The following PMM1 variants were observed in gnomAD, a reference collection of about 807,000 sequenced individuals.
PMM1 encodes the protein phosphomannomutase 1.
Under a neutral mutation model 34.0 loss-of-function variants are expected in PMM1, and 25 were observed. The observed-to-expected ratio is 0.73, with a 90% CI of 0.54 to 1.03. The LOEUF is 1.03. PMM1 is among the 50% of genes least tolerant of loss of function. The pLI is 0.00. For missense variants in PMM1, 321 were observed against 350.1 expected, an observed-to-expected ratio of 0.92 and a Z score of 0.66; for synonymous variants, 134 against 143.9, an observed-to-expected ratio of 0.93 and a Z score of 0.49.
At chr22:41,587,767 C>T (rs1053755218) in intron 1 of PMM1, among the ~76,000 whole-genome samples, 9 of 152,180 alleles carry the variant, frequency 5.9e-5, no homozygotes, top group Admixed American at 1.3e-4. Context: ...GAAGCCACAC[C>T]ACAGTAACCA....
intron 1 of PMM1, 116 bp downstream of exon 1, chr22:41,589,603 G>T: frequency 2.3e-6 from 2 of 878,986 alleles, no homozygotes; most frequent in Non-Finnish European, 3.5e-6. Flanking sequence ...GGGTACCGCC[G>T]CATCCCACAC....
chr22:41,583,497 G>C (rs76010556), intron 5 of PMM1, among the ~76,000 whole-genome samples: 2,355 of 152,126 alleles, frequency 0.015, 64 homozygotes, highest in African/African-American at 0.053. Context: ...AAAAGAAAAA[G>C]AAAGAAAGGT....
In PMM1 at chr22:41,578,858, G is replaced by A. The variant is rs999980; in HGVS notation, c.498C>T (p.Phe166=). ...CAAACTCTGTTTTCAGGGCTTCCACGAACTTCTCCCGGATCTTCTCTTTCT... is the reference window on the plus strand; with the variant it reads ...CAAACTCTGTTTTCAGGGCTTCCACAAACTTCTCCCGGATCTTCTCTTTCT... ...LDKKEKIREK[F]VEALKTEFAG... The change falls in exon 6 of 8, where the codon TTC becomes TTT. Residue 166 remains phenylalanine, a synonymous_variant. Transcript: ENST00000216259. 8.1e-6 allele frequency: 13 copies of A among 1,613,970 alleles called. No homozygotes were observed. The South Asian group carries it at 9.9e-5, about 12-fold the overall frequency.
chr22:41,581,949 C>T (rs2067251448), intron 5 of PMM1, among the ~76,000 whole-genome samples: 1 of 151,908 alleles, frequency 6.6e-6, no homozygotes, highest in Non-Finnish European at 1.5e-5. Flanking sequence ...TGTGCCACTG[C>T]ACTCCAGCCT....
At chr22:41,586,931 A>G (rs1375584142) in intron 1 of PMM1, among the ~76,000 whole-genome samples, 1 of 145,400 alleles carries the variant, frequency 6.9e-6, no homozygotes, top group Non-Finnish European at 1.5e-5. Context: ...CAGCCTGGCC[A>G]ACATGGTGAA....
chr22:41,578,938 G>A, intron 5 of PMM1, 57 bp from the exon 6 acceptor site: 1 of 1,483,414 alleles, frequency 6.7e-7, no homozygotes, highest in South Asian at 1.1e-5. Context: ...GCCAGGCCCT[G>A]GCTGGGCACA....
At chr22:41,578,704 T>TA (rs1159785234) in intron 6 of PMM1, 102 bp downstream of exon 6, 9 of 910,708 alleles carry the variant, frequency 9.9e-6, no homozygotes, top group Admixed American at 2.0e-5. Context: ...GGGGAGGGGC[T>TA]ACTAAAGCTA....
Position 41,577,871 on chromosome 22 carries a change from G to A in PMM1, c.603C>T (p.Cys201=), listed in dbSNP as rs1366299021. 6.2e-7 allele frequency: 1 copy of A among 1,613,420 alleles called. No homozygotes were observed. Among genetic ancestry groups the A allele is most frequent in the Non-Finnish European group, 8.5e-7 (1 of 1,179,990 alleles). The change falls in exon 7 of 8, where the codon TGC becomes TGT. Residue 201 remains cysteine, a synonymous_variant. Transcript: ENST00000216259. Reference sequence around the variant, plus strand: ...AGCTGTCCTGGTCCAGGCTATCCAGGCAGTAGCGCTTGTCCCAGCCCTCGG... The same window carrying A: ...AGCTGTCCTGGTCCAGGCTATCCAGACAGTAGCGCTTGTCCCAGCCCTCGG... ...VFPEGWDKRY[C]LDSLDQDSFD...
intron 7 of PMM1, 88 bp from the exon 8 acceptor site, chr22:41,577,528 C>T: frequency 7.0e-7 from 1 of 1,426,992 alleles, no homozygotes; most frequent in Non-Finnish European, 9.6e-7. Flanking sequence ...CCTCCTGCCC[C>T]TTCAGAACTG....
chr22:41,577,749 C>A, intron 7 of PMM1, 59 bp downstream of exon 7: 1 of 1,308,222 alleles, frequency 7.6e-7, no homozygotes, highest in South Asian at 1.2e-5. Context: ...GAGAAGCCAC[C>A]AGACCTGGCT....
chr22:41,584,227 C>T, intron 4 of PMM1, 54 bp downstream of exon 4: 2 of 1,521,482 alleles, frequency 1.3e-6, no homozygotes, highest in African/African-American at 1.4e-5. Flanking sequence ...GAGGGACCCA[C>T]ACTTCTCCTC....
chr22:41,586,001 G>A (rs1210886181), intron 2 of PMM1, 75 bp downstream of exon 2: 1 of 1,091,978 alleles, frequency 9.2e-7, no homozygotes, highest in Non-Finnish European at 1.3e-6. Context: ...CCCCACAGAA[G>A]CAGGACTGGA....
rs114827707 is a variant in PMM1, at chr22:41,588,897, C to T, written c.87+822G>A. ...CCCAGACTGGAGGGTGGGTTACCCA[C>T]AGGGAGGGCATGAATGAAGCCTGCT... On this transcript the variant is annotated intron_variant, in intron 1 of 7. Transcript: ENST00000216259. 3.0e-4 allele frequency: 295 copies of T among 969,390 alleles called. 2 individuals are homozygous for T. The African/African-American group carries it at 4.9e-3, about 16-fold the overall frequency. The allele number at this position is 969,390 out of a possible 1,614,324, so 60.0% of individuals were successfully genotyped here. A position where few individuals can be genotyped will look rare whatever the true frequency, so the allele number is the denominator to read the frequency against.
chr22:41,577,748 C>T, intron 7 of PMM1, 60 bp downstream of exon 7: 3 of 1,303,042 alleles, frequency 2.3e-6, no homozygotes, highest in Non-Finnish European at 3.3e-6. Flanking sequence ...GGAGAAGCCA[C>T]CAGACCTGGC....
rs148554162 is a variant in PMM1 at position 41,586,137 on chromosome 22, G to A, written c.144C>T (p.Ile48=). The A allele has an allele frequency of 5.0e-4, 805 of 1,612,736 alleles. 1 individual carries two copies. The highest frequency in any genetic ancestry group is 7.9e-4 in the Admixed American group (47 of 59,860). Residue 48 remains isoleucine (I), a synonymous_variant, in exon 2 of 8, where the codon ATC becomes ATT. Transcript: ENST00000216259. The part of the protein sequence containing the change: ...FLQKLRSRVQ[I]GVVGGSDYCK... ...AGTAGTCAGAGCCGCCCACCACACCGATCTGCACTCTACTTCGTAGCTTCT... is the reference window on the plus strand; with the variant it reads ...AGTAGTCAGAGCCGCCCACCACACCAATCTGCACTCTACTTCGTAGCTTCT...
At chr22:41,587,238 C>G (rs1212416447) in intron 1 of PMM1, among the ~76,000 whole-genome samples, 2 of 149,958 alleles carry the variant, frequency 1.3e-5, no homozygotes, top group Non-Finnish European at 3.0e-5. Context: ...CCACTGCACT[C>G]CAGCCTGGGC....
In PMM1 at chr22:41,577,030, T is replaced by C. The variant is rs752258556; in HGVS notation, c.*288A>G. 6.7e-4 allele frequency: 318 copies of C among 476,914 alleles called. No homozygotes were observed. Among genetic ancestry groups the C allele is most frequent in the South Asian group, 1.4e-3 (67 of 48,514 alleles). The allele number at this position is 476,914 out of a possible 1,614,324, so 29.5% of individuals were successfully genotyped here. A position where few individuals can be genotyped will look rare whatever the true frequency, so the allele number is the denominator to read the frequency against. ...ACCGATACTTGAGCACGCCTCCTCC[T>C]GGTGCAGAAAGAAACCTCTTCTGTA... On this transcript the variant is annotated 3_prime_UTR_variant, in exon 8 of 8. Transcript: ENST00000216259.
chr22:41,585,946 A>C lies in PMM1; in HGVS notation c.205+130T>G, dbSNP rs1386260625. On this transcript the variant is annotated intron_variant, in intron 2 of 7. Transcript: ENST00000216259. ...ATAGGAAGTGCTCAAGTGTTTGTCA[A>C]ATCAGTAAGGGAACTATCTGGCTGC... 1.2e-5 allele frequency: 9 copies of C among 736,110 alleles called. No homozygotes were observed. The East Asian group carries it at 1.9e-4, about 16-fold the overall frequency. 45.6% of individuals were successfully genotyped at this position (736,110 alleles called of 1,614,324 possible).
intron 1 of PMM1, among the ~76,000 whole-genome samples, chr22:41,587,863 G>GA (rs2067330147): frequency 3.9e-5 from 6 of 152,256 alleles, no homozygotes; most frequent in Admixed American, 3.3e-4. Flanking sequence ...TCTTTACCAG[G>GA]AGAGTGTGCT....
Sources: allele counts gnomAD v4.1 joint callset (sites outside exome capture counted in the v4.1 genomes callset), GRCh38; gene constraint gnomAD v4.1.1; transcripts MANE v1.5; gene names NCBI Gene and HGNC (gene_info 2026-07-23, HGNC 2026-07-21).